The following AJUBA variants were observed in gnomAD, a reference collection of about 807,000 sequenced individuals.
The protein encoded by AJUBA is ajuba LIM protein.
Under a neutral mutation model 53.3 loss-of-function variants are expected in AJUBA, and 20 were observed. That is an observed-to-expected ratio of 0.38 (90% CI 0.26 to 0.55). The LOEUF (loss-of-function observed/expected upper bound fraction) is 0.55, where lower values mean the gene tolerates loss of function less well. Ranked by LOEUF, AJUBA falls within the 20% of genes least tolerant of loss-of-function variation. The pLI is 0.80. For synonymous variants in AJUBA, 296 were observed against 306.2 expected, an observed-to-expected ratio of 0.97 and a Z score of 0.35; for missense variants, 580 against 730.5, an observed-to-expected ratio of 0.79 and a Z score of 2.38.
At position 22,982,524 on chromosome 14, in the gene AJUBA, A is replaced by G. The variant is rs1463047091; in HGVS notation, c.-258T>C. 3.5e-5 allele frequency: 47 copies of G among 1,358,902 alleles called. No homozygotes were observed. Among genetic ancestry groups the G allele is most frequent in the Non-Finnish European group, 4.2e-5 (44 of 1,058,808 alleles). 84.2% of individuals were successfully genotyped at this position (1,358,902 alleles called of 1,614,324 possible). On this transcript the variant is annotated 5_prime_UTR_variant, in exon 1 of 8. Coordinates refer to ENST00000262713, the MANE Select transcript of AJUBA (RefSeq NM_032876.6). Reference sequence around the variant, plus strand: ...CCGCGGCTGTCCAGTCCGCAGGTCTATCTGTTCACGCGTCGACTCGCCCGA... The same window carrying G: ...CCGCGGCTGTCCAGTCCGCAGGTCTGTCTGTTCACGCGTCGACTCGCCCGA...
chr14:22,980,016 G>A (rs1245033580), intron 1 of AJUBA, among the ~76,000 whole-genome samples: 1 of 151,716 alleles, frequency 6.6e-6, no homozygotes, highest in Non-Finnish European at 1.5e-5. Flanking sequence ...GAGGCTGGGG[G>A]TTGAGTTATG....
rs2044989832 is a variant in AJUBA, at chr14:22,972,274, G to C, written c.*1169C>G. On this transcript the variant is annotated 3_prime_UTR_variant, in exon 8 of 8. Coordinates refer to ENST00000262713, the MANE Select transcript of AJUBA (RefSeq NM_032876.6). ...GATGCAATCCGGGACCCCTCTGAGA[G>C]GTGGCAAGTGAGCTTCTACTAGGAA... 1 of 152,366 alleles carries C rather than the reference G, an allele frequency of 6.6e-6. No homozygotes were observed. Among genetic ancestry groups the C allele is most frequent in the Non-Finnish European group, 1.5e-5 (1 of 68,034 alleles). The allele number at this position is 152,366 out of a possible 1,614,324, so 9.4% of individuals were successfully genotyped here.
intron 1 of AJUBA, among the ~76,000 whole-genome samples, chr14:22,980,015 G>A (rs780332996): frequency 6.6e-6 from 1 of 151,834 alleles, no homozygotes; most frequent in Admixed American, 6.6e-5. Context: ...GGAGGCTGGG[G>A]GTTGAGTTAT....
chr14:22,981,745 C>T lies in AJUBA; in HGVS notation c.522G>A (p.Gly174=). ...GISMGYDQRH[G]SPLPAGPCLF... The stretch of plus-strand genomic sequence containing the variant: ...GGCACGGCCCCGCTGGCAAGGGGCT[C>T]CCGTGGCGCTGGTCGTAGCCCATGC... The change falls in exon 1 of 8, where the codon GGG becomes GGA. Residue 174 remains glycine (G), a synonymous_variant. Coordinates refer to ENST00000262713, the MANE Select transcript of AJUBA (RefSeq NM_032876.6). 1 of 1,533,962 alleles carries T rather than the reference C, an allele frequency of 6.5e-7. No individual in the cohort carries two copies. Among genetic ancestry groups the T allele is most frequent in the Non-Finnish European group, 8.7e-7 (1 of 1,145,464 alleles).
At chr14:22,974,230 C>A (rs1191191647) in intron 6 of AJUBA, 115 bp from the exon 7 acceptor site, 21 of 1,082,238 alleles carry the variant, frequency 1.9e-5, no homozygotes, top group Non-Finnish European at 1.4e-6. Context: ...CCCCCAGAGT[C>A]TCTCTGCAAT....
intron 1 of AJUBA, chr14:22,980,681 C>A (rs2045078442): frequency 2.0e-6 from 2 of 985,334 alleles, no homozygotes; most frequent in African/African-American, 1.7e-5. Context: ...ATTTCCCCGA[C>A]AGCCGCCACT....
rs2045065376 is a variant in AJUBA at position 22,979,230 on chromosome 14, TC to T, written c.1007-786del. Reference sequence around the variant, plus strand: ...TACACCTGGCTCTGGGACTTGCCTTTCCTGGGTGTGTTCTTCCCTCCCTCCA... The same window carrying T: ...TACACCTGGCTCTGGGACTTGCCTTTCTGGGTGTGTTCTTCCCTCCCTCCA... On this transcript the variant is annotated intron_variant, in intron 1 of 7. Transcript: ENST00000262713. This position sits in a 1 kb window ranked among gnomAD's most constrained non-coding sequence, Gnocchi z 4.0. The T allele has an allele frequency of 1.2e-6, 1 of 823,324 alleles. No individual in the cohort carries two copies. The highest frequency in any genetic ancestry group is 1.2e-4 in the East Asian group (1 of 8,012). 51.0% of individuals were successfully genotyped at this position (823,324 alleles called of 1,614,324 possible). A position where few individuals can be genotyped will look rare whatever the true frequency, so the allele number is the denominator to read the frequency against.
chr14:22,974,915 G>C, intron 5 of AJUBA, 25 bp from the exon 6 acceptor site: 1 of 1,613,934 alleles, frequency 6.2e-7, no homozygotes, highest in Non-Finnish European at 8.5e-7. Flanking sequence ...GAAGAGATGA[G>C]CTGAGGCTGG....
Position 22,976,765 on chromosome 14 carries a change from C to G in AJUBA, c.1109-53G>C, listed in dbSNP as rs1034687016. 17 of 1,591,962 alleles carry G rather than the reference C, an allele frequency of 1.1e-5. No individual in the cohort carries two copies. The Admixed American group carries it at 2.8e-4, about 26-fold the overall frequency. ...CCTATCCCACAGCCCAGGTGCAAGA[C>G]TTCTGGGGTCACTGCTCCCCGCTGC... On this transcript the variant is annotated intron_variant, in intron 2 of 7. Coordinates refer to ENST00000262713, the MANE Select transcript of AJUBA (RefSeq NM_032876.6).
Position 22,972,046 on chromosome 14 carries a change from A to G in AJUBA, c.*1397T>C, listed in dbSNP as rs2044987734. On this transcript the variant is annotated 3_prime_UTR_variant, in exon 8 of 8. Coordinates refer to ENST00000262713, the MANE Select transcript of AJUBA (RefSeq NM_032876.6). ...CATGACAAAAAAGAATAGGACACCT[A>G]AATGGATATAAACACACCAAAATAG... 6.6e-6 allele frequency: 1 copy of G among 152,656 alleles called. No individual in the cohort carries two copies. The highest frequency in any genetic ancestry group is 6.5e-5 in the Admixed American group (1 of 15,278). 9.5% of individuals were successfully genotyped at this position (152,656 alleles called of 1,614,324 possible). A position where few individuals can be genotyped will look rare whatever the true frequency, so the allele number is the denominator to read the frequency against.
intron 6 of AJUBA, 86 bp from the exon 7 acceptor site, chr14:22,974,201 TGG>T: frequency 1.4e-6 from 2 of 1,416,088 alleles, no homozygotes; most frequent in Admixed American, 3.4e-5. Flanking sequence ...TCCCACCCCA[TGG>T]GAAGATCATA....
At position 22,981,326 on chromosome 14, in the gene AJUBA, C is replaced by T. The variant is rs200223210; in HGVS notation, c.941G>A (p.Gly314Asp). Residue 314 changes from glycine (G) to aspartate (D), a missense_variant, in exon 1 of 8, where the codon GGT becomes GAT. Physicochemically the swap from Gly to Asp is moderately conservative, Grantham distance 94 (BLOSUM62 -1). Transcript: ENST00000262713. ...CCGGGCGGCCTCCGGAACGAAAGGA[C>T]CTGGTGGCTCCTCCAGACCCGACGG... ...IEPSGLEEPP[G>D]PFVPEAARAR... 3 of 1,613,224 alleles carry T rather than the reference C, an allele frequency of 1.9e-6. No individual in the cohort carries two copies. Among genetic ancestry groups the T allele is most frequent in the Non-Finnish European group, 2.5e-6 (3 of 1,179,752 alleles).
chr14:22,976,923 G>T, intron 2 of AJUBA: 1 of 1,400,964 alleles, frequency 7.1e-7, no homozygotes, highest in Admixed American at 3.0e-5. Flanking sequence ...CCTCTCCTCT[G>T]CTTGCTGCTC....
At position 22,973,576 on chromosome 14, in the gene AJUBA, A is replaced by G; in HGVS notation, c.1492-8T>C. ...CAGCTGCATCCGGCAGTCCTAGGGA[A>G]GAAGGCACCTAGTTCACCTCAGCCT... is the stretch of plus-strand genomic sequence containing the variant. On this transcript the variant is annotated splice_polypyrimidine_tract_variant and splice_region_variant and intron_variant, in intron 7 of 7. Transcript: ENST00000262713. 1.2e-6 allele frequency: 2 copies of G among 1,614,046 alleles called. No individual in the cohort carries two copies. Among genetic ancestry groups the G allele is most frequent in the East Asian group, 2.2e-5 (1 of 44,886 alleles).
In AJUBA at chr14:22,973,593, C is replaced by T. The variant is rs768277918; in HGVS notation, c.1492-25G>A. 9 of 1,613,334 alleles carry T rather than the reference C, an allele frequency of 5.6e-6. No homozygotes were observed. In the East Asian group the frequency reaches 1.1e-4, roughly 20 times the overall value. On this transcript the variant is annotated intron_variant, in intron 7 of 7. Coordinates refer to ENST00000262713, the MANE Select transcript of AJUBA (RefSeq NM_032876.6). Reference sequence around the variant, plus strand: ...CCTAGGGAAGAAGGCACCTAGTTCACCTCAGCCTAGGCACCTTGGACACTG... The same window carrying T: ...CCTAGGGAAGAAGGCACCTAGTTCATCTCAGCCTAGGCACCTTGGACACTG...
rs1054148833 is a variant in AJUBA, at chr14:22,976,340, A to C, written c.1239+116T>G. The stretch of plus-strand genomic sequence containing the variant: ...TTGCTCTGGGGAGGAATGGGATGAA[A>C]GTGATTCATCTGGTGACAGGCTTCT... On this transcript the variant is annotated intron_variant, in intron 4 of 7. Coordinates refer to ENST00000262713, the MANE Select transcript of AJUBA (RefSeq NM_032876.6). The C allele has an allele frequency of 5.6e-6, 6 of 1,067,196 alleles. No homozygotes were observed. The Admixed American group carries it at 6.9e-5, about 12-fold the overall frequency. The allele number at this position is 1,067,196 out of a possible 1,614,324, so 66.1% of individuals were successfully genotyped here.
intron 2 of AJUBA, 192 bp from the exon 3 acceptor site, chr14:22,976,904 C>A (rs1230013749): frequency 4.3e-6 from 6 of 1,410,718 alleles, no homozygotes; most frequent in Non-Finnish European, 5.5e-6. Flanking sequence ...TTCATTCCAG[C>A]CAACTTCCCC....
At chr14:22,973,867 G>C (rs2045008616) in intron 7 of AJUBA, among the ~76,000 whole-genome samples, 180 bp downstream of exon 7, 1 of 152,150 alleles carries the variant, frequency 6.6e-6, no homozygotes, top group Non-Finnish European at 1.5e-5. Context: ...AAAGGACTAA[G>C]CTACTTGGAC....
At chr14:22,981,114 C>T (rs545254942) in intron 1 of AJUBA, 147 bp downstream of exon 1, 8 of 1,002,838 alleles carry the variant, frequency 8.0e-6, no homozygotes, top group Admixed American at 3.0e-5. Context: ...TGCTCTGGGG[C>T]CGCCCCCATC....
Sources: allele counts gnomAD v4.1 joint callset (sites outside exome capture counted in the v4.1 genomes callset), GRCh38; gene constraint gnomAD v4.1.1; non-coding constraint Gnocchi (gnomAD v3.1); transcripts MANE v1.5; gene names NCBI Gene and HGNC (gene_info 2026-07-23, HGNC 2026-07-21).